Variants in TSEN2 observed in about 807,000 individuals in gnomAD.
The protein encoded by TSEN2 is tRNA-splicing endonuclease subunit Sen2.
In TSEN2, 54 loss-of-function variants were observed where a neutral mutation model predicts 59.2. That is an observed-to-expected ratio of 0.91 (90% confidence interval 0.73 to 1.14). The LOEUF is 1.14. TSEN2 is among the 50% of genes most tolerant of loss of function. The pLI, the probability that TSEN2 is intolerant of heterozygous loss-of-function variation, is 0.00. For missense variants in TSEN2, 636 were observed against 576.2 expected, an observed-to-expected ratio of 1.10 and a Z score of -1.06; for synonymous variants, 195 against 198.2, an observed-to-expected ratio of 0.98 and a Z score of 0.14.
At chr3:12,519,724 G>A (rs1575415152) in intron 8 of TSEN2, among the ~76,000 whole-genome samples, 2 of 152,030 alleles carry the variant, frequency 1.3e-5, no homozygotes, top group Admixed American at 6.6e-5. Flanking sequence ...CCACCTGGAC[G>A]ACAGGGCAAG....
In TSEN2 at chr3:12,512,754, A is replaced by G. The variant is rs2055613145; in HGVS notation, c.910-3857A>G. Reference sequence around the variant, plus strand: ...ACATTTTAACCCATACTTTTTGTGAACCGGTCATGGTGATGATTTAATGTT... The same window carrying G: ...ACATTTTAACCCATACTTTTTGTGAGCCGGTCATGGTGATGATTTAATGTT... On this transcript the variant is annotated intron_variant, in intron 6 of 11. Coordinates refer to ENST00000284995, the MANE Select transcript of TSEN2 (RefSeq NM_025265.4). Among the ~76,000 whole-genome samples the G allele has an allele frequency of 2.6e-5, 4 of 152,220 alleles. No individual in the cohort carries two copies. The South Asian group carries it at 8.3e-4, about 32-fold the overall frequency.
At chr3:12,486,373 T>C (rs2052614735) in intron 1 of TSEN2, among the ~76,000 whole-genome samples, 1 of 152,218 alleles carries the variant, frequency 6.6e-6, no homozygotes, top group African/African-American at 2.4e-5. Flanking sequence ...GACTCTTCCA[T>C]GAAACTAGAG....
At chr3:12,493,359 C>T (rs955175559) in intron 3 of TSEN2, among the ~76,000 whole-genome samples, 2 of 152,102 alleles carry the variant, frequency 1.3e-5, no homozygotes, top group African/African-American at 4.8e-5. Context: ...CCACATTGAC[C>T]GCATCATTGT....
chr3:12,511,454 A>G (rs190180380), intron 6 of TSEN2, among the ~76,000 whole-genome samples: 1 of 152,346 alleles, frequency 6.6e-6, no homozygotes, highest in East Asian at 1.9e-4. Context: ...ACAGCTGATT[A>G]GCCATTTGGA....
rs187408042 is a variant in TSEN2, at chr3:12,501,734, G to A, written c.309-1528G>A. Reference sequence around the variant, plus strand: ...CAGTCTTCTTAACCAGGTAAAAGAAGGTGAAAAGTAAAGTTACATCTGCCT... The same window carrying A: ...CAGTCTTCTTAACCAGGTAAAAGAAAGTGAAAAGTAAAGTTACATCTGCCT... On this transcript the variant is annotated intron_variant, in intron 4 of 11. Transcript: ENST00000284995. 2.0e-3 allele frequency among the ~76,000 whole-genome samples: 298 copies of A among 152,164 alleles called. 1 individual carries two copies. The highest frequency in any genetic ancestry group is 3.1e-3 in the Non-Finnish European group (210 of 68,010).
At chr3:12,516,562 G>C (rs2056140470) in intron 6 of TSEN2, 49 bp from the exon 7 acceptor site, 1 of 1,582,832 alleles carries the variant, frequency 6.3e-7, no homozygotes, top group Non-Finnish European at 8.7e-7. Context: ...GGTTTCACAA[G>C]AATGTGAAAC....
chr3:12,505,338 A>C, intron 6 of TSEN2, 107 bp downstream of exon 6: 2 of 776,350 alleles, frequency 2.6e-6, no homozygotes. Context: ...CAATTATTGA[A>C]TATTGTAATT....
rs11435305 is a variant in TSEN2 at position 12,509,207 on chromosome 3, GT to G, written c.909+3987del. 1.2e-3 allele frequency among the ~76,000 whole-genome samples: 179 copies of G among 143,972 alleles called. 4 individuals carry two copies. The East Asian group carries it at 0.033, about 26-fold the overall frequency. The allele number at this position is 143,972 out of a possible 152,430, so 94.5% of individuals were successfully genotyped here. The stretch of plus-strand genomic sequence containing the variant: ...GTTTTTTTTGGTTTTTTTTGTTGTT[GT>G]TTTTTTTTTTGAGACAGGGTCTCGC... On this transcript the variant is annotated intron_variant, in intron 6 of 11. Transcript: ENST00000284995.
intron 8 of TSEN2, among the ~76,000 whole-genome samples, chr3:12,528,440 G>T (rs530483693): frequency 9.8e-5 from 15 of 152,352 alleles, no homozygotes; most frequent in Non-Finnish European, 1.9e-4. Context: ...GATGATGGTG[G>T]CTGGGTGTGG....
At position 12,496,553 on chromosome 3, in the gene TSEN2, A is replaced by G. The variant is rs1304847921; in HGVS notation, c.307A>G (p.Arg103Gly). Reference protein sequence around the residue: ...KTNMPIITSKRYQHSVEWAAE... With the variant: ...KTNMPIITSKGYQHSVEWAAE... The stretch of plus-strand genomic sequence containing the variant: ...AAACATGCCTATCATCACATCAAAG[A>G]GGTAAGTCATAATGAACTTTGGCTT... Residue 103 changes from arginine (R) to glycine (G), a missense_variant and splice_region_variant, in exon 4 of 12, where the codon AGG becomes GGG. Arg to Gly is a moderately radical substitution (Grantham distance 125, BLOSUM62 -2). Coordinates refer to ENST00000284995, the MANE Select transcript of TSEN2 (RefSeq NM_025265.4). 1 of 1,614,004 alleles carries G rather than the reference A, an allele frequency of 6.2e-7. No individual in the cohort carries two copies. Among genetic ancestry groups the G allele is most frequent in the Non-Finnish European group, 8.5e-7 (1 of 1,180,026 alleles).
intron 6 of TSEN2, among the ~76,000 whole-genome samples, chr3:12,506,143 T>C (rs1179143391): frequency 6.9e-6 from 1 of 144,996 alleles, no homozygotes; most frequent in African/African-American, 2.9e-5. Flanking sequence ...TTTATCCACT[T>C]AAAGAGTACA....
At chr3:12,480,524 C>CTTCGGTTTT (rs1368131888), upstream of TSEN2, among the ~76,000 whole-genome samples, 74 of 108,654 alleles carry the variant, frequency 6.8e-4, 1 homozygote, top group African/African-American at 2.8e-3. Flanking sequence ...TGTTTTGTTT[C>CTTCGGTTTT]TTTGTTTTTT....
intron 3 of TSEN2, 34 bp downstream of exon 3, chr3:12,492,251 A>C (rs1440179740): frequency 7.7e-6 from 12 of 1,556,074 alleles, no homozygotes; most frequent in Non-Finnish European, 1.1e-5. Context: ...TCTTTTGACA[A>C]ATTAATCATT....
chr3:12,485,442 CA>C (rs1324232686), intron 1 of TSEN2, among the ~76,000 whole-genome samples: 1 of 152,108 alleles, frequency 6.6e-6, no homozygotes, highest in African/African-American at 2.4e-5. Flanking sequence ...AAAGATTTCT[CA>C]GGGGTGCGCC....
intron 4 of TSEN2, among the ~76,000 whole-genome samples, chr3:12,496,948 C>T (rs1252536753): frequency 6.6e-6 from 1 of 152,166 alleles, no homozygotes; most frequent in East Asian, 1.9e-4. Flanking sequence ...AGAGGCCCTT[C>T]CTCATTTAAT....
intron 10 of TSEN2, chr3:12,531,238 C>T: frequency 3.6e-6 from 1 of 279,554 alleles, no homozygotes; most frequent in South Asian, 4.1e-5. Flanking sequence ...CACAGCCAAA[C>T]CGTATCAACA....
rs2056155988 is a variant in TSEN2, at chr3:12,516,676, T to TTAC, written c.960+16_960+18dup. 3 of 1,613,326 alleles carry TTAC rather than the reference T, an allele frequency of 1.9e-6. No individual in the cohort carries two copies. The highest frequency in any genetic ancestry group is 2.5e-6 in the Non-Finnish European group (3 of 1,179,368). ...ACTATGAGAAGGTAAGATGCTTTGT[T>TTAC]TACATACAACCCACTTAAAATTTCC... On this transcript the variant is annotated intron_variant, in intron 7 of 11. Transcript: ENST00000284995.
intron 4 of TSEN2, among the ~76,000 whole-genome samples, chr3:12,500,213 A>C (rs2054161140): frequency 6.6e-6 from 1 of 152,208 alleles, no homozygotes; most frequent in African/African-American, 2.4e-5. Context: ...GATTGATGGC[A>C]ACAGGACTTG....
intron 5 of TSEN2, among the ~76,000 whole-genome samples, chr3:12,504,392 G>C (rs1166452722): frequency 2.0e-5 from 3 of 151,966 alleles, no homozygotes; most frequent in African/African-American, 7.3e-5. Flanking sequence ...GACCAGCCAG[G>C]GCAATATAGC....
Sources: gnomAD v4.1 joint callset for allele counts (sites outside exome capture counted in the v4.1 genomes callset) on GRCh38, gnomAD v4.1.1 for gene constraint, MANE v1.5 for transcripts, NCBI Gene and HGNC (gene_info 2026-07-23, HGNC 2026-07-21) for gene names.